Variants in CSMD2 observed in about 807,000 individuals in gnomAD.
CSMD2 encodes CUB and Sushi multiple domains 2, also known as CUB and sushi domain-containing protein 2.
In CSMD2, 130 loss-of-function variants were observed where a neutral mutation model predicts 398.5. That is an observed-to-expected ratio of 0.33 (90% CI 0.28 to 0.38). CSMD2 has a LOEUF of 0.38. Among genes scored for constraint, CSMD2 ranks in the 10% least tolerant of loss-of-function variants. The pLI is 1.00. For missense variants in CSMD2, 3,829 were observed against 4,764.9 expected, an observed-to-expected ratio of 0.80 and a Z score of 5.78; for synonymous variants, 1,828 against 1,908.5, an observed-to-expected ratio of 0.96 and a Z score of 1.10.
rs12565900 is a variant in CSMD2 at position 33,694,505 on chromosome 1, C to T, written c.3926-1449G>A. Among the ~76,000 whole-genome samples the T allele has an allele frequency of 1.2e-3, 186 of 152,188 alleles. 2 individuals are homozygous for T. The highest frequency in any genetic ancestry group is 7.0e-3 in the East Asian group (36 of 5,164). On this transcript the variant is annotated intron_variant, in intron 24 of 70. Coordinates refer to ENST00000373381, the MANE Select transcript of CSMD2 (RefSeq NM_001281956.2). ...TCTCATGATAGTGAGTGAGCTCTCACGAGATCTGATGGTTTTATAAGTTCC... is the reference window on the plus strand; with the variant it reads ...TCTCATGATAGTGAGTGAGCTCTCATGAGATCTGATGGTTTTATAAGTTCC...
At position 33,935,924 on chromosome 1, in the gene CSMD2, C is replaced by T. The variant is rs1290559308; in HGVS notation, c.548G>A (p.Gly183Glu). The part of the protein sequence containing the change: ...VLPSHTCGNP[G>E]RLPNGIQQGS... ...CTGCTGGATGCCATTGGGCAGCCTC[C>T]CTGGGTTCCCACATGTGTGGCTGGG... The change falls in exon 4 of 71, where the codon GGG becomes GAG. Residue 183 changes from glycine (G) to glutamate (E), a missense_variant. Physicochemically the swap from Gly to Glu is moderately conservative, Grantham distance 98. Transcript: ENST00000373381. The T allele has an allele frequency of 6.2e-7, 1 of 1,612,584 alleles. No homozygotes were observed. The highest frequency in any genetic ancestry group is 1.3e-5 in the African/African-American group (1 of 74,894).
At chr1:34,032,925 A>G (rs1570886198) in intron 2 of CSMD2, among the ~76,000 whole-genome samples, 1 of 152,288 alleles carries the variant, frequency 6.6e-6, no homozygotes, top group Middle Eastern at 3.4e-3. Flanking sequence ...CTAATCCCCA[A>G]CCTGGAGGCT....
At chr1:33,694,264 G>A (rs919966117) in intron 24 of CSMD2, among the ~76,000 whole-genome samples, 3 of 152,150 alleles carry the variant, frequency 2.0e-5, no homozygotes, top group Admixed American at 1.3e-4. Flanking sequence ...GGACAACGGG[G>A]AGTGGCTGTT....
At chr1:33,571,959 A>T (rs1659634927) in intron 50 of CSMD2, among the ~76,000 whole-genome samples, 1 of 152,240 alleles carries the variant, frequency 6.6e-6, no homozygotes, top group South Asian at 2.1e-4. Flanking sequence ...AATAGTACTC[A>T]GTCAAGGTTG....
rs993887979 is a variant in CSMD2, at chr1:33,580,912, G to C, written c.7241-13C>G. ...TGTCCTGATGGACCTGGGGTGAGAA[G>C]GACGCAGGATTACAGACCATGGGAG... On this transcript the variant is annotated splice_polypyrimidine_tract_variant and intron_variant, in intron 47 of 70. Coordinates refer to ENST00000373381, the MANE Select transcript of CSMD2 (RefSeq NM_001281956.2). The C allele has an allele frequency of 1.9e-5, 30 of 1,613,704 alleles. No individual in the cohort carries two copies. Among genetic ancestry groups the C allele is most frequent in the Non-Finnish European group, 2.5e-5 (30 of 1,179,824 alleles).
chr1:33,792,504 T>A lies in CSMD2; in HGVS notation c.1469A>T (p.Glu490Val), dbSNP rs924242497. ...PSKVIKLAFEEFDLERGYDTL... is the reference protein window; with the variant it reads ...PSKVIKLAFEVFDLERGYDTL... The stretch of plus-strand genomic sequence containing the variant: ...GTCATAGCCCCTCTCCAAATCAAAC[T>A]CCTCAAAGGCGAGCTTGATCACCTA... The change falls in exon 11 of 71, where the codon GAG becomes GTG. Residue 490 changes from glutamate to valine, a missense_variant. This residue lies in a region of CSMD2 where 2,001 missense variants were observed against 2,567.1 expected (regional missense o/e 0.78). Coordinates refer to ENST00000373381, the MANE Select transcript of CSMD2 (RefSeq NM_001281956.2). The A allele has an allele frequency of 3.1e-6, 5 of 1,613,520 alleles. No individual in the cohort carries two copies. Among genetic ancestry groups the A allele is most frequent in the Non-Finnish European group, 4.2e-6 (5 of 1,179,802 alleles).
At chr1:33,764,798 C>T (rs1650276583) in intron 13 of CSMD2, among the ~76,000 whole-genome samples, 1 of 152,180 alleles carries the variant, frequency 6.6e-6, no homozygotes, top group African/African-American at 2.4e-5. Context: ...CTATTGTGAT[C>T]ATATTTTCTG....
chr1:33,587,522 TACTCG>T (rs1339201701), intron 44 of CSMD2, among the ~76,000 whole-genome samples: 1 of 152,216 alleles, frequency 6.6e-6, no homozygotes, highest in African/African-American at 2.4e-5. Flanking sequence ...GCTCTTACTC[TACTCG>T]TGAGCAAGTG....
intron 12 of CSMD2, among the ~76,000 whole-genome samples, chr1:33,785,221 A>G (rs1653379398): frequency 6.6e-6 from 1 of 152,238 alleles, no homozygotes; most frequent in African/African-American, 2.4e-5. Context: ...CTTAGCCAAT[A>G]CTGGCTGAGT....
At chr1:33,756,984 G>A (rs999742952) in intron 13 of CSMD2, among the ~76,000 whole-genome samples, 3 of 152,142 alleles carry the variant, frequency 2.0e-5, no homozygotes, top group East Asian at 1.9e-4. Context: ...GCCATAAAAA[G>A]TGATGAGTTC....
At chr1:33,871,463 T>C (rs1640455911) in intron 5 of CSMD2, among the ~76,000 whole-genome samples, 2 of 152,186 alleles carry the variant, frequency 1.3e-5, no homozygotes, top group African/African-American at 4.8e-5. Flanking sequence ...TAAAGCTGGG[T>C]AATTTGTAAA....
intron 3 of CSMD2, among the ~76,000 whole-genome samples, chr1:34,021,891 G>A (rs760631261): frequency 1.3e-5 from 2 of 152,168 alleles, no homozygotes; most frequent in African/African-American, 4.8e-5. Context: ...GTTCTAGGGT[G>A]CAAGCTTTTC....
chr1:34,025,236 G>C (rs930908616), intron 3 of CSMD2, among the ~76,000 whole-genome samples: 1 of 151,554 alleles, frequency 6.6e-6, no homozygotes, highest in Admixed American at 6.6e-5. Context: ...ATCTTCCATT[G>C]GTAGCAAAAG....
At position 34,089,271 on chromosome 1, in the gene CSMD2, T is replaced by C. The variant is rs534692044; in HGVS notation, c.188-78A>G. 4.3e-5 allele frequency: 59 copies of C among 1,360,468 alleles called. No homozygotes were observed. The South Asian group carries it at 7.2e-4, about 17-fold the overall frequency. The allele number at this position is 1,360,468 out of a possible 1,614,324, so 84.3% of individuals were successfully genotyped here. A position where few individuals can be genotyped will look rare whatever the true frequency, so the allele number is the denominator to read the frequency against. On this transcript the variant is annotated intron_variant, in intron 1 of 70. Transcript: ENST00000373381. Reference sequence around the variant, plus strand: ...TTCTAGAGAGTCAGGAGCAATGTGTTAGCAAATCATGAACCCACTTTTCCA... The same window carrying C: ...TTCTAGAGAGTCAGGAGCAATGTGTCAGCAAATCATGAACCCACTTTTCCA...
rs149329552 is a variant in CSMD2, at chr1:33,935,953, A to G, written c.519T>C (p.Val173=). 1.8e-3 allele frequency: 2,861 copies of G among 1,606,102 alleles called. 9 individuals are homozygous for G. The highest frequency in any genetic ancestry group is 2.6e-3 in the Admixed American group (153 of 59,054). ...GGTTCCCACATGTGTGGCTGGGGAG[A>G]ACTGTGAGGAGAAACAGAGAAAGAG... is the stretch of plus-strand genomic sequence containing the variant. The part of the protein sequence containing the change: ...SAQGFHATYE[V]LPSHTCGNPG... Residue 173 remains valine, a splice_region_variant and synonymous_variant, in exon 4 of 71, where the codon GTT becomes GTC. Coordinates refer to ENST00000373381, the MANE Select transcript of CSMD2 (RefSeq NM_001281956.2).
intron 19 of CSMD2, among the ~76,000 whole-genome samples, chr1:33,722,750 C>T (rs1215139102): frequency 6.7e-6 from 1 of 150,224 alleles, no homozygotes; most frequent in Non-Finnish European, 1.5e-5. Context: ...AACCTAAATC[C>T]TTTCAAAGTT....
At chr1:33,947,487 C>T (rs963276814) in intron 3 of CSMD2, among the ~76,000 whole-genome samples, 6 of 152,172 alleles carry the variant, frequency 3.9e-5, no homozygotes, top group African/African-American at 1.4e-4. Flanking sequence ...CCCTGAAGCC[C>T]CAGCACACCT....
chr1:33,820,722 G>A (rs566345700), intron 7 of CSMD2, among the ~76,000 whole-genome samples, 166 bp from the exon 8 acceptor site: 136 of 152,198 alleles, frequency 8.9e-4, no homozygotes, highest in Non-Finnish European at 1.4e-3. Context: ...CTACTGGCCT[G>A]GGGTTTCTTG....
chr1:34,047,384 C>G (rs112517844), intron 2 of CSMD2, among the ~76,000 whole-genome samples: 1 of 152,082 alleles, frequency 6.6e-6, no homozygotes, highest in Non-Finnish European at 1.5e-5. Flanking sequence ...CCCTTTACAC[C>G]GAGGCTTTGA....
Sources: allele counts gnomAD v4.1 joint callset (sites outside exome capture counted in the v4.1 genomes callset), GRCh38; gene constraint gnomAD v4.1.1; regional missense constraint gnomAD v4.1.1; transcripts MANE v1.5; gene names NCBI Gene and HGNC (gene_info 2026-07-23, HGNC 2026-07-21).